Variants in ANKRD11 observed in about 807,000 individuals in gnomAD.
ANKRD11 encodes the protein ankyrin repeat domain 11, also known as ankyrin repeat domain-containing protein 11.
Under a neutral mutation model 195.7 loss-of-function variants are expected in ANKRD11, and 17 were observed. The ratio of observed to expected loss-of-function variants is 0.09; its 90% CI spans 0.06 to 0.13. ANKRD11 has a LOEUF of 0.13. Ranked by LOEUF, ANKRD11 falls within the 10% of genes least tolerant of loss-of-function variation. The probability of loss-of-function intolerance (pLI) is 1.00; values close to 1 mark genes in which losing one functional copy is unlikely to be tolerated. For synonymous variants in ANKRD11, 1,953 were observed against 1,528.1 expected, an observed-to-expected ratio of 1.28 and a Z score of -6.49; for missense variants, 3,735 against 3,566.1, an observed-to-expected ratio of 1.05 and a Z score of -1.21.
intron 2 of ANKRD11, among the ~76,000 whole-genome samples, chr16:89,359,953 A>C (rs2039662411): frequency 6.6e-6 from 1 of 151,852 alleles, no homozygotes; most frequent in Non-Finnish European, 1.5e-5. Context: ...ATAAGTAAAC[A>C]CATGTCGGCA....
chr16:89,313,733 C>G (rs748435798), intron 3 of ANKRD11: 2 of 529,672 alleles, frequency 3.8e-6, no homozygotes, highest in African/African-American at 4.0e-5. Context: ...ACTTGGGGCT[C>G]ACTTCCTCCC....
intron 2 of ANKRD11, chr16:89,320,984 CAGG>C (rs1403567844): frequency 6.6e-6 from 1 of 152,352 alleles, no homozygotes; most frequent in African/African-American, 2.4e-5. Context: ...CAAGAGCACT[CAGG>C]AGGTGACAGA....
intron 2 of ANKRD11, among the ~76,000 whole-genome samples, chr16:89,378,796 G>T (rs997173857): frequency 6.6e-6 from 1 of 152,190 alleles, no homozygotes; most frequent in Non-Finnish European, 1.5e-5. Flanking sequence ...ATGTTGGCCA[G>T]GCTGGTCTCA....
intron 1 of ANKRD11, among the ~76,000 whole-genome samples, chr16:89,455,187 A>T (rs112741481): frequency 4.0e-5 from 3 of 74,800 alleles, no homozygotes; most frequent in Non-Finnish European, 7.9e-5. Context: ...TGCTTCTAGC[A>T]TTCCTCAAGC....
intron 1 of ANKRD11, among the ~76,000 whole-genome samples, chr16:89,466,745 G>A (rs996675745): frequency 1.3e-5 from 2 of 152,300 alleles, no homozygotes; most frequent in Admixed American, 6.5e-5. Context: ...CCACATGTTC[G>A]ACATGGAAAA....
chr16:89,282,966 G>T lies in ANKRD11; in HGVS notation c.3576C>A (p.Asp1192Glu). Reference sequence around the variant, plus strand: ...CTTTCTCTTTTTTGTCTCTCCCCGCGTCGGCAGCCCCTCGGTCCTTTCTCC... The same window carrying T: ...CTTTCTCTTTTTTGTCTCTCCCCGCTTCGGCAGCCCCTCGGTCCTTTCTCC... The part of the protein sequence containing the change: ...RDRRKDRGAA[D>E]AGRDKKEKVF... The change falls in exon 9 of 13, where the codon GAC (aspartate) becomes GAA (glutamate). Residue 1192 changes from aspartate to glutamate, a missense_variant. Coordinates refer to ENST00000301030, the MANE Select transcript of ANKRD11 (RefSeq NM_013275.6). 4.3e-6 allele frequency: 7 copies of T among 1,613,090 alleles called. No individual in the cohort carries two copies. The highest frequency in any genetic ancestry group is 5.9e-6 in the Non-Finnish European group (7 of 1,179,920).
At chr16:89,422,645 G>C (rs1053255619) in intron 1 of ANKRD11, among the ~76,000 whole-genome samples, 2 of 152,294 alleles carry the variant, frequency 1.3e-5, no homozygotes, top group Middle Eastern at 3.4e-3. Flanking sequence ...TTTACTCACT[G>C]CTCTCGACGA....
At chr16:89,401,592 C>T (rs563009185) in intron 2 of ANKRD11, among the ~76,000 whole-genome samples, 1 of 152,214 alleles carries the variant, frequency 6.6e-6, no homozygotes, top group Admixed American at 6.5e-5. Context: ...GCTTTATTTA[C>T]TGGTGTTATG....
intron 2 of ANKRD11, among the ~76,000 whole-genome samples, chr16:89,352,964 T>C (rs1186700907): frequency 6.6e-6 from 1 of 152,156 alleles, no homozygotes; most frequent in Non-Finnish European, 1.5e-5. Flanking sequence ...TTCAGAAAAG[T>C]TTATGGAAAA....
intron 1 of ANKRD11, among the ~76,000 whole-genome samples, chr16:89,438,419 A>C (rs2043306742): frequency 6.6e-6 from 1 of 151,870 alleles, no homozygotes; most frequent in African/African-American, 2.4e-5. Context: ...TCCTGGGTTC[A>C]AGCAATTCTC....
intron 5 of ANKRD11, 22 bp from the exon 6 acceptor site, chr16:89,290,850 G>A (rs2035015063): frequency 1.2e-6 from 2 of 1,612,716 alleles, no homozygotes; most frequent in Admixed American, 1.7e-5. Flanking sequence ...GGAGGGGACA[G>A]ATGGGCATTA....
chr16:89,274,770 G>A, intron 11 of ANKRD11, 44 bp downstream of exon 11: 2 of 1,603,144 alleles, frequency 1.2e-6, no homozygotes, highest in South Asian at 1.1e-5. Context: ...CGGGCAGGGT[G>A]CAGGCACTTG....
intron 2 of ANKRD11, among the ~76,000 whole-genome samples, chr16:89,354,874 G>A (rs2039397705): frequency 6.6e-6 from 1 of 152,134 alleles, no homozygotes; most frequent in Non-Finnish European, 1.5e-5. Context: ...GAGACAGAGT[G>A]AGACACTCTC....
At chr16:89,348,873 T>TA (rs754111553) in intron 2 of ANKRD11, among the ~76,000 whole-genome samples, 1,402 of 130,354 alleles carry the variant, frequency 0.011, 12 homozygotes, top group African/African-American at 0.026. Context: ...TTATTGTCTT[T>TA]AAAAAAAAAA....
rs34016116 is a variant in ANKRD11, at chr16:89,291,038, C to T, written c.372G>A (p.Thr124=). 3,494 of 1,612,538 alleles carry T rather than the reference C, an allele frequency of 2.2e-3. 70 individuals carry two copies. The African/African-American group carries it at 0.042, about 19-fold the overall frequency. Residue 124 remains threonine (T), a synonymous_variant, in exon 5 of 13, where the codon ACG becomes ACA. Transcript: ENST00000301030. This position sits in a 1 kb window ranked among gnomAD's most constrained non-coding sequence, Gnocchi z 5.3. ...CTGGGCTGTTGGCAGACTCCTCGGC[C>T]GTCATCTGCATGAGAAGGGCCACCT... ...RQQVALLMQM[T]AEESANSPVD... is the part of the protein sequence containing the mutation.
chr16:89,268,910 TGGCCCG>T (rs2032877157), intron 12 of ANKRD11, among the ~76,000 whole-genome samples: 1 of 152,202 alleles, frequency 6.6e-6, no homozygotes, highest in Non-Finnish European at 1.5e-5. Context: ...GGGCTCACCC[TGGCCCG>T]GGGGCCCTGC....
At chr16:89,370,972 C>G (rs906193583) in intron 2 of ANKRD11, among the ~76,000 whole-genome samples, 2 of 152,254 alleles carry the variant, frequency 1.3e-5, no homozygotes, top group African/African-American at 4.8e-5. Context: ...CGAGACAACC[C>G]TAGGGCTCCG....
chr16:89,450,761 T>C (rs1057034283), intron 1 of ANKRD11, among the ~76,000 whole-genome samples: 1 of 152,178 alleles, frequency 6.6e-6, no homozygotes, highest in African/African-American at 2.4e-5. Flanking sequence ...CCTCCAAAAC[T>C]GGCGGGATTA....
chr16:89,483,449 G>A (rs1430206201), intron 1 of ANKRD11, among the ~76,000 whole-genome samples: 1 of 152,198 alleles, frequency 6.6e-6, no homozygotes, highest in African/African-American at 2.4e-5. Flanking sequence ...GTGCAAGCGT[G>A]CATCACTTTT....
Sources: gnomAD v4.1 joint callset for allele counts (sites outside exome capture counted in the v4.1 genomes callset) on GRCh38, gnomAD v4.1.1 for gene constraint, Gnocchi (gnomAD v3.1) non-coding constraint, MANE v1.5 for transcripts, NCBI Gene and HGNC (gene_info 2026-07-23, HGNC 2026-07-21) for gene names.